PRKCB: variants seen among roughly 807,000 people sequenced by gnomAD.
PRKCB encodes protein kinase C beta type.
PRKCB carries 13 observed loss-of-function variants against 81.5 expected under a neutral mutation model. The ratio of observed to expected loss-of-function variants is 0.16; its 90% CI spans 0.10 to 0.25. The LOEUF is 0.25. PRKCB is among the 10% of genes least tolerant of loss of function. PRKCB has a pLI of 1.00. For synonymous variants in PRKCB, 335 were observed against 321.4 expected (o/e 1.04, Z -0.45); for missense variants, 509 against 875.7 (o/e 0.58, Z 5.29).
intron 7 of PRKCB, among the ~76,000 whole-genome samples, chr16:24,109,491 CCCA>C (rs1596551885): frequency 8.7e-6 from 1 of 114,850 alleles, no homozygotes; most frequent in South Asian, 2.8e-4. Context: ...AGAGGCGCTC[CCCA>C]CATCTCAGAC....
In PRKCB at chr16:23,875,781, G is replaced by GTATGTATATCACACATATATGCA. The variant is rs1567298797; in HGVS notation, c.205+38376_205+38377insATGTATATCACACATATATGCAT. On this transcript the variant is annotated intron_variant, in intron 2 of 16. Coordinates refer to ENST00000643927, the MANE Select transcript of PRKCB (RefSeq NM_002738.7). ...ATGTATGTATATCACACATATATGT[G>GTATGTATATCACACATATATGCA]TGTATATCACACATATATGTGTGTA... Among the ~76,000 whole-genome samples the GTATGTATATCACACATATATGCA allele has an allele frequency of 7.9e-4, 42 of 53,168 alleles. 7 individuals are homozygous for GTATGTATATCACACATATATGCA. The highest frequency in any genetic ancestry group is 1.1e-3 in the Non-Finnish European group (29 of 26,796). 34.9% of individuals were successfully genotyped at this position (53,168 alleles called of 152,430 possible).
chr16:24,102,916 C>T (rs1385804538), intron 7 of PRKCB, among the ~76,000 whole-genome samples: 1 of 152,028 alleles, frequency 6.6e-6, no homozygotes, highest in Non-Finnish European at 1.5e-5. Context: ...TGTTTTGAGA[C>T]GGAGTTTTGC....
rs1967503406 is a variant in PRKCB, at chr16:24,174,822, CAGGAGACTGTTTGCTCTAAG to C, written c.1394+251_1394+270del. The C allele has an allele frequency of 1.4e-5, 6 of 440,020 alleles. No individual in the cohort carries two copies. In the East Asian group the frequency reaches 2.0e-4, roughly 15 times the overall value. The allele number at this position is 440,020 out of a possible 1,614,324, so 27.3% of individuals were successfully genotyped here. ...ACCAATGATGGTTCAGAGCCTCAAA[CAGGAGACTGTTTGCTCTAAG>C]AGGAGACTCACAGAGAGGACCTCAG... On this transcript the variant is annotated intron_variant, in intron 12 of 16. Transcript: ENST00000643927.
chr16:23,921,218 C>G (rs1963819946), intron 2 of PRKCB, among the ~76,000 whole-genome samples: 2 of 152,096 alleles, frequency 1.3e-5, no homozygotes, highest in South Asian at 4.1e-4. Flanking sequence ...GAATGTGTGC[C>G]CAAGTAGTAG....
At chr16:24,117,506 T>A (rs1966748838) in intron 8 of PRKCB, among the ~76,000 whole-genome samples, 1 of 152,212 alleles carries the variant, frequency 6.6e-6, no homozygotes, top group African/African-American at 2.4e-5. Flanking sequence ...ACTCAGGTAA[T>A]TTAATCCTTA....
chr16:24,087,249 C>T (rs777466526), intron 5 of PRKCB, among the ~76,000 whole-genome samples: 1 of 152,212 alleles, frequency 6.6e-6, no homozygotes, highest in African/African-American at 2.4e-5. Flanking sequence ...AATGCCTTCA[C>T]GCTTCTTTCT....
intron 2 of PRKCB, among the ~76,000 whole-genome samples, chr16:23,934,717 G>T (rs1484246911): frequency 1.6e-4 from 24 of 152,158 alleles, no homozygotes; most frequent in Admixed American, 1.6e-3. Flanking sequence ...TTACTGGGAT[G>T]GTGGTGATGG....
chr16:24,086,588 C>A (rs1033974389), intron 5 of PRKCB, among the ~76,000 whole-genome samples: 3 of 152,164 alleles, frequency 2.0e-5, no homozygotes, highest in African/African-American at 7.2e-5. Flanking sequence ...AGGATGGGGT[C>A]TCTGAAAGCC....
intron 2 of PRKCB, among the ~76,000 whole-genome samples, chr16:23,873,157 G>A (rs1179477401): frequency 4.4e-5 from 6 of 135,308 alleles, no homozygotes; most frequent in Non-Finnish European, 6.1e-5. Context: ...GCTAAACCCC[G>A]TCTCTACTAA....
chr16:23,866,754 T>A (rs1368749854), intron 2 of PRKCB, among the ~76,000 whole-genome samples: 6 of 152,238 alleles, frequency 3.9e-5, no homozygotes, highest in Non-Finnish European at 8.8e-5. Flanking sequence ...TTTTGCCAAA[T>A]GTTCTCCAGA....
At chr16:23,842,182 G>A (rs1012226676) in intron 2 of PRKCB, among the ~76,000 whole-genome samples, 2 of 152,066 alleles carry the variant, frequency 1.3e-5, no homozygotes, top group Non-Finnish European at 2.9e-5. Context: ...AGTAGAATTG[G>A]GTATGTATCT....
At chr16:23,931,199 G>A (rs1212323130) in intron 2 of PRKCB, among the ~76,000 whole-genome samples, 1 of 152,212 alleles carries the variant, frequency 6.6e-6, no homozygotes, top group African/African-American at 2.4e-5. Context: ...AGCCCCAGGA[G>A]CTAACCAAAG....
chr16:24,192,021 A>G (rs1319295067), intron 16 of PRKCB, among the ~76,000 whole-genome samples: 4 of 152,244 alleles, frequency 2.6e-5, no homozygotes, highest in South Asian at 2.1e-4. Context: ...TGGTGACTCA[A>G]TGATGGGTTG....
chr16:24,021,407 T>A (rs1025025001), intron 3 of PRKCB, among the ~76,000 whole-genome samples: 6 of 136,380 alleles, frequency 4.4e-5, no homozygotes, highest in African/African-American at 1.4e-4. Context: ...TGTGCTTCCT[T>A]TCCTCTTAGC....
intron 7 of PRKCB, among the ~76,000 whole-genome samples, chr16:24,096,644 T>C (rs1028511402): frequency 2.0e-5 from 2 of 100,664 alleles, no homozygotes; most frequent in East Asian, 3.0e-4. Flanking sequence ...TTTGCTCCCT[T>C]CCTATGGCAA....
chr16:24,105,533 G>C (rs535955129), intron 7 of PRKCB, among the ~76,000 whole-genome samples: 3 of 151,738 alleles, frequency 2.0e-5, no homozygotes, highest in Non-Finnish European at 4.4e-5. Context: ...CCCTCCCCTT[G>C]CCCCTCACCC....
intron 2 of PRKCB, among the ~76,000 whole-genome samples, chr16:23,854,435 G>T (rs562610292): frequency 6.6e-6 from 1 of 152,290 alleles, no homozygotes; most frequent in Admixed American, 6.5e-5. Context: ...TGGGTGGTCT[G>T]TCTGATCTGG....
chr16:23,901,024 A>G (rs1963464588), intron 2 of PRKCB, among the ~76,000 whole-genome samples: 2 of 151,896 alleles, frequency 1.3e-5, no homozygotes, highest in African/African-American at 2.4e-5. Context: ...CCCCTCTCCT[A>G]TGGGGATCCT....
At position 23,993,632 on chromosome 16, in the gene PRKCB, A is replaced by G. The variant is rs80259241; in HGVS notation, c.288+5042A>G. On this transcript the variant is annotated intron_variant, in intron 3 of 16. Coordinates refer to ENST00000643927, the MANE Select transcript of PRKCB (RefSeq NM_002738.7). ...CTGTGATCCCTCTTCTCTATAGACC[A>G]AACCTTACTATGGGAACCACAGCCA... 4.8e-3 allele frequency among the ~76,000 whole-genome samples: 730 copies of G among 152,338 alleles called. 5 individuals are homozygous for G. The highest frequency in any genetic ancestry group is 0.017 in the African/African-American group (694 of 41,566).
Sources: allele counts gnomAD v4.1 joint callset (sites outside exome capture counted in the v4.1 genomes callset), GRCh38; gene constraint gnomAD v4.1.1; transcripts MANE v1.5; gene names NCBI Gene and HGNC (gene_info 2026-07-23, HGNC 2026-07-21).